The following FRS2 variants were observed in gnomAD, a reference collection of about 807,000 sequenced individuals.
FRS2 encodes fibroblast growth factor receptor substrate 2.
In FRS2, 8 loss-of-function variants were observed where a neutral mutation model predicts 43.9. That is an observed-to-expected ratio of 0.18 (90% CI 0.11 to 0.33). The LOEUF (loss-of-function observed/expected upper bound fraction) is 0.33, where lower values mean the gene tolerates loss of function less well. Ranked by LOEUF, FRS2 falls within the 10% of genes least tolerant of loss-of-function variation. The pLI, the probability that FRS2 is intolerant of heterozygous loss-of-function variation, is 1.00. For missense variants in FRS2, 534 were observed against 627.6 expected, an observed-to-expected ratio of 0.85 and a Z score of 1.59; for synonymous variants, 219 against 220.3, an observed-to-expected ratio of 0.99 and a Z score of 0.05.
intron 4 of FRS2, among the ~76,000 whole-genome samples, chr12:69,568,734 T>A (rs962686729): frequency 5.4e-5 from 8 of 149,530 alleles, no homozygotes; most frequent in South Asian, 2.1e-4. Context: ...GTTTTTTTTT[T>A]AGATGATTTT....
chr12:69,522,236 G>C (rs1056727889), intron 1 of FRS2, among the ~76,000 whole-genome samples: 15 of 144,906 alleles, frequency 1.0e-4, no homozygotes, highest in South Asian at 6.6e-4. Context: ...GTGTGTGTGT[G>C]TCTCTGCCAG....
chr12:69,571,471 A>G, intron 7 of FRS2, 37 bp downstream of exon 7: 3 of 1,531,494 alleles, frequency 2.0e-6, no homozygotes, highest in Non-Finnish European at 2.7e-6. Flanking sequence ...TTTGAATAAC[A>G]GACGTTTAGT....
At chr12:69,504,710 T>G (rs1565731562) in intron 1 of FRS2, among the ~76,000 whole-genome samples, 1 of 152,232 alleles carries the variant, frequency 6.6e-6, no homozygotes, top group Non-Finnish European at 1.5e-5. Context: ...ATGATAACTT[T>G]AAAAACACAA....
chr12:69,522,816 TCTTGA>T (rs1875822129), intron 1 of FRS2, among the ~76,000 whole-genome samples: 1 of 152,262 alleles, frequency 6.6e-6, no homozygotes, highest in Admixed American at 6.5e-5. Context: ...TCAAATAATT[TCTTGA>T]CTTCTGCTTT....
At chr12:69,535,290 G>T (rs1877164622) in intron 3 of FRS2, among the ~76,000 whole-genome samples, 1 of 152,186 alleles carries the variant, frequency 6.6e-6, no homozygotes, top group African/African-American at 2.4e-5. Context: ...CTTGAAATGA[G>T]ATCTAGATAC....
chr12:69,542,732 T>G (rs1878028284), intron 3 of FRS2, among the ~76,000 whole-genome samples: 1 of 152,198 alleles, frequency 6.6e-6, no homozygotes, highest in African/African-American at 2.4e-5. Context: ...TCAAGTATAT[T>G]CAAAGTAAAT....
intron 1 of FRS2, among the ~76,000 whole-genome samples, chr12:69,497,233 A>T (rs1392105633): frequency 6.6e-6 from 1 of 152,218 alleles, no homozygotes; most frequent in East Asian, 1.9e-4. Context: ...CGCTATGAAG[A>T]AAGAGTTGGT....
At chr12:69,517,888 T>C (rs1221836217) in intron 1 of FRS2, among the ~76,000 whole-genome samples, 1 of 152,296 alleles carries the variant, frequency 6.6e-6, no homozygotes. Context: ...TCACAGGCAT[T>C]TTCCCCCCAC....
chr12:69,537,726 T>C (rs888335666), intron 3 of FRS2, among the ~76,000 whole-genome samples: 1 of 152,178 alleles, frequency 6.6e-6, no homozygotes, highest in Admixed American at 6.5e-5. Flanking sequence ...GATCTGAGGA[T>C]AATAATAATG....
chr12:69,516,559 G>A (rs1270526113), intron 1 of FRS2, among the ~76,000 whole-genome samples: 1 of 152,124 alleles, frequency 6.6e-6, no homozygotes, highest in African/African-American at 2.4e-5. Flanking sequence ...ACATGCTCTT[G>A]TAGACCGTCT....
At chr12:69,487,682 A>G (rs1395960459) in intron 1 of FRS2, among the ~76,000 whole-genome samples, 3 of 152,208 alleles carry the variant, frequency 2.0e-5, no homozygotes, top group East Asian at 3.8e-4. Flanking sequence ...AAGAAATACT[A>G]TTTTGTAACA....
Position 69,574,606 on chromosome 12 carries a change from T to C in FRS2, c.1178T>C (p.Val393Ala). 1 of 1,614,028 alleles carries C rather than the reference T, an allele frequency of 6.2e-7. No homozygotes were observed. The highest frequency in any genetic ancestry group is 8.5e-7 in the Non-Finnish European group (1 of 1,179,916). ...HNNLDPMHNY[V>A]NTENVTVPAS... ...AATCTAGATCCAATGCATAACTATG[T>C]AAATACAGAGAATGTAACAGTGCCA... Residue 393 changes from valine to alanine, a missense_variant, in exon 9 of 9, where the codon GTA (valine) becomes GCA (alanine). Coordinates refer to ENST00000549921, the MANE Select transcript of FRS2 (RefSeq NM_001278356.2).
At chr12:69,531,627 T>C (rs1876802998) in intron 2 of FRS2, among the ~76,000 whole-genome samples, 1 of 151,372 alleles carries the variant, frequency 6.6e-6, no homozygotes, top group African/African-American at 2.4e-5. Context: ...AAAAAAACAC[T>C]GTTCAAAGAA....
intron 3 of FRS2, among the ~76,000 whole-genome samples, chr12:69,542,569 A>G (rs1033654979): frequency 6.6e-6 from 1 of 152,242 alleles, no homozygotes; most frequent in Admixed American, 6.5e-5. Flanking sequence ...GAAAATATTT[A>G]AACTAATATT....
In FRS2 at chr12:69,507,547, A is replaced by G. The variant is rs1874055688; in HGVS notation, c.-260-23318A>G. 1.3e-5 allele frequency among the ~76,000 whole-genome samples: 2 copies of G among 152,208 alleles called. 1 individual carries two copies. Among genetic ancestry groups the G allele is most frequent in the Non-Finnish European group, 2.9e-5 (2 of 68,042 alleles). The stretch of plus-strand genomic sequence containing the variant: ...AAGGCCTCATAGCTTTTCTCTTCAT[A>G]TGAAAAGAACTTCATTAATTTTTAA... On this transcript the variant is annotated intron_variant, in intron 1 of 8. Transcript: ENST00000549921.
At chr12:69,557,850 A>G (rs145136523) in intron 3 of FRS2, 3 of 152,156 alleles carry the variant, frequency 2.0e-5, no homozygotes, top group African/African-American at 4.8e-5. Flanking sequence ...GACCAACACT[A>G]CTAAAGGTAG....
intron 1 of FRS2, among the ~76,000 whole-genome samples, chr12:69,515,762 T>C (rs966812295): frequency 1.3e-5 from 2 of 150,936 alleles, no homozygotes; most frequent in Non-Finnish European, 2.9e-5. Flanking sequence ...AGGAAAGTCA[T>C]TGAGGTCTTT....
intron 3 of FRS2, among the ~76,000 whole-genome samples, chr12:69,550,529 T>G (rs1878782385): frequency 6.6e-6 from 1 of 152,238 alleles, no homozygotes. Flanking sequence ...TTTTTAGCAT[T>G]CTAAATTTCT....
At chr12:69,515,641 A>C (rs1874926909) in intron 1 of FRS2, among the ~76,000 whole-genome samples, 1 of 152,160 alleles carries the variant, frequency 6.6e-6, no homozygotes, top group South Asian at 2.1e-4. Context: ...AAAGACAAAT[A>C]CATGTGGAAG....
Sources: allele counts gnomAD v4.1 joint callset (sites outside exome capture counted in the v4.1 genomes callset), GRCh38; gene constraint gnomAD v4.1.1; transcripts MANE v1.5; gene names NCBI Gene and HGNC (gene_info 2026-07-23, HGNC 2026-07-21).